IL1RAPL1: variants seen among roughly 807,000 people sequenced by gnomAD.
IL1RAPL1 encodes interleukin-1 receptor accessory protein-like 1.
In IL1RAPL1, 3 loss-of-function variants were observed where a neutral mutation model predicts 48.4. The ratio of observed to expected loss-of-function variants is 0.06; its 90% CI spans 0.03 to 0.16. The LOEUF is 0.16. Among genes scored for constraint, IL1RAPL1 ranks in the 10% least tolerant of loss-of-function variants. IL1RAPL1 has a pLI of 1.00. For missense variants in IL1RAPL1, 349 were observed against 530.6 expected (o/e 0.66, Z 3.36); for synonymous variants, 185 against 187.7 (o/e 0.99, Z 0.12).
chrX:28,851,791 A>C (rs760809672), intron 2 of IL1RAPL1, among the ~76,000 whole-genome samples: 1 of 112,212 alleles, frequency 8.9e-6, no homozygotes, highest in Non-Finnish European at 1.9e-5. Flanking sequence ...GAACCCCCAA[A>C]TGACACCATC....
intron 2 of IL1RAPL1, among the ~76,000 whole-genome samples, chrX:29,112,171 C>A (rs942305107): frequency 9.0e-6 from 1 of 111,020 alleles, no homozygotes; most frequent in Non-Finnish European, 1.9e-5. Context: ...AGTGATCCGC[C>A]TGCCTCGGCC....
At chrX:28,858,183 C>G (rs1268138747) in intron 2 of IL1RAPL1, among the ~76,000 whole-genome samples, 1 of 112,194 alleles carries the variant, frequency 8.9e-6, no homozygotes, top group Admixed American at 9.5e-5. Flanking sequence ...GGAGTCACCT[C>G]TTATGGATGA....
chrX:29,277,492 T>G lies in IL1RAPL1; in HGVS notation c.83-5446T>G, dbSNP rs1932138038. Among the ~76,000 whole-genome samples, 6 of 112,203 alleles carry G rather than the reference T, an allele frequency of 5.3e-5. No homozygotes were observed. The South Asian group carries it at 1.8e-3, about 34-fold the overall frequency. On this transcript the variant is annotated intron_variant, in intron 2 of 10. Transcript: ENST00000378993. ...AAAACATTGAGGATTTGTTCACATA[T>G]AGACACATACAAGGAAGAGCAACCC...
chrX:29,335,040 G>A (rs1465766562), intron 3 of IL1RAPL1, among the ~76,000 whole-genome samples: 1 of 112,228 alleles, frequency 8.9e-6, no homozygotes, highest in African/African-American at 3.2e-5. Context: ...TCGGGAGGCC[G>A]AGGCTGGCGG....
rs201768838 is a variant in IL1RAPL1 at position 29,370,959 on chromosome X, C to A, written c.363-25299C>A. Among the ~76,000 whole-genome samples, 5 of 109,264 alleles carry A rather than the reference C, an allele frequency of 4.6e-5. No individual in the cohort carries two copies. The East Asian group carries it at 1.1e-3, about 25-fold the overall frequency. 94.9% of individuals were successfully genotyped at this position (109,264 alleles called of 115,157 possible). A position where few individuals can be genotyped will look rare whatever the true frequency, so the allele number is the denominator to read the frequency against. ...TGTATATAATGTGCAATGATCAAAT[C>A]ATGGTAATTAGCATATCCATCACCT... On this transcript the variant is annotated intron_variant, in intron 3 of 10. Coordinates refer to ENST00000378993, the MANE Select transcript of IL1RAPL1 (RefSeq NM_014271.4).
intron 3 of IL1RAPL1, among the ~76,000 whole-genome samples, chrX:29,292,615 A>G (rs1932388096): frequency 9.0e-6 from 1 of 111,665 alleles, no homozygotes; most frequent in African/African-American, 3.2e-5. Flanking sequence ...AGGAGTCTTC[A>G]TAATTTGTTC....
intron 3 of IL1RAPL1, among the ~76,000 whole-genome samples, chrX:29,336,304 G>T (rs1382672618): frequency 2.8e-5 from 2 of 70,848 alleles, no homozygotes; most frequent in South Asian, 8.6e-4. Flanking sequence ...ACCGTTTTGG[G>T]GTGTGTGTGT....
intron 2 of IL1RAPL1, among the ~76,000 whole-genome samples, chrX:29,170,556 T>C (rs1252517668): frequency 8.9e-6 from 1 of 111,751 alleles, no homozygotes; most frequent in Non-Finnish European, 1.9e-5. Flanking sequence ...TTTTGTTTTA[T>C]GAATAGGTTG....
intron 9 of IL1RAPL1, among the ~76,000 whole-genome samples, chrX:29,944,830 T>C (rs1933188024): frequency 9.0e-6 from 1 of 111,287 alleles, no homozygotes; most frequent in Non-Finnish European, 1.9e-5. Flanking sequence ...TAGATCCTTG[T>C]CATGGCCTCC....
intron 2 of IL1RAPL1, among the ~76,000 whole-genome samples, chrX:28,947,500 C>G (rs1924337056): frequency 9.1e-6 from 1 of 110,086 alleles, no homozygotes; most frequent in Non-Finnish European, 1.9e-5. Flanking sequence ...GGGAATTGAA[C>G]AATGAGAACA....
At chrX:29,519,510 C>A (rs764391048) in intron 5 of IL1RAPL1, among the ~76,000 whole-genome samples, 1 of 111,518 alleles carries the variant, frequency 9.0e-6, no homozygotes, top group Non-Finnish European at 1.9e-5. Context: ...TAGAGCAAGT[C>A]GAAAATATTT....
At chrX:29,340,391 T>C (rs1933057584) in intron 3 of IL1RAPL1, among the ~76,000 whole-genome samples, 1 of 111,838 alleles carries the variant, frequency 8.9e-6, no homozygotes, top group South Asian at 3.7e-4. Flanking sequence ...ATTCTGTTTC[T>C]ACAGATTTAC....
chrX:29,555,146 A>G (rs1177990890), intron 5 of IL1RAPL1, among the ~76,000 whole-genome samples: 1 of 112,527 alleles, frequency 8.9e-6, no homozygotes, highest in Non-Finnish European at 1.9e-5. Flanking sequence ...GCCTCTAAAT[A>G]TAATCCAAAA....
Position 28,901,547 on chromosome X carries a change from A to G in IL1RAPL1, c.82+112122A>G, listed in dbSNP as rs779608065. Among the ~76,000 whole-genome samples the G allele has an allele frequency of 4.3e-3, 482 of 111,484 alleles. 3 individuals are homozygous for G. The highest frequency in any genetic ancestry group is 0.015 in the African/African-American group (446 of 30,694). On this transcript the variant is annotated intron_variant, in intron 2 of 10. Transcript: ENST00000378993. ...TCTTCAATCCTTCCTGCATATTGCC[A>G]TTAGACTCTTTTCCTAAAGAATAGT...
At chrX:29,207,950 G>A (rs1244366943) in intron 2 of IL1RAPL1, among the ~76,000 whole-genome samples, 1 of 111,235 alleles carries the variant, frequency 9.0e-6, no homozygotes, top group Non-Finnish European at 1.9e-5. Context: ...ATATTGATCT[G>A]GATAGTTATT....
chrX:29,310,915 A>G (rs182903647), intron 3 of IL1RAPL1, among the ~76,000 whole-genome samples: 1 of 111,967 alleles, frequency 8.9e-6, no homozygotes, highest in African/African-American at 3.2e-5. Context: ...ATGTTACTCT[A>G]AGTTTATTGT....
chrX:29,197,976 T>C (rs1395147081), intron 2 of IL1RAPL1, among the ~76,000 whole-genome samples: 15 of 111,676 alleles, frequency 1.3e-4, no homozygotes, highest in Non-Finnish European at 1.9e-5. Flanking sequence ...CCCAAAGTGC[T>C]GAGATTACAG....
intron 6 of IL1RAPL1, among the ~76,000 whole-genome samples, chrX:29,812,782 C>T (rs907838885): frequency 9.0e-6 from 1 of 111,466 alleles, no homozygotes; most frequent in Non-Finnish European, 1.9e-5. Context: ...CCTAATTTAA[C>T]TGTAAAGCTG....
Position 29,860,078 on chromosome X carries a change from C to T in IL1RAPL1, c.779-57386C>T, listed in dbSNP as rs185933350. Among the ~76,000 whole-genome samples the T allele has an allele frequency of 4.3e-3, 483 of 111,717 alleles. 4 individuals are homozygous for T. Among genetic ancestry groups the T allele is most frequent in the Admixed American group, 9.0e-3 (95 of 10,525 alleles). ...TTTGAAATGTATAATTATTCTAATA[C>T]ATTGAGAACTGTTTATCAATTATGA... On this transcript the variant is annotated intron_variant, in intron 6 of 10. Coordinates refer to ENST00000378993, the MANE Select transcript of IL1RAPL1 (RefSeq NM_014271.4).
Sources: gnomAD v4.1 joint callset for allele counts (sites outside exome capture counted in the v4.1 genomes callset) on GRCh38, gnomAD v4.1.1 for gene constraint, MANE v1.5 for transcripts, NCBI Gene and HGNC (gene_info 2026-07-23, HGNC 2026-07-21) for gene names.